The following TANGO6 variants were observed in gnomAD, a reference collection of about 807,000 sequenced individuals.
TANGO6 encodes the protein transport and golgi organization 6 homolog, also known as transport and Golgi organization protein 6 homolog.
TANGO6 carries 90 observed loss-of-function variants against 114.2 expected under a neutral mutation model. The observed-to-expected ratio is 0.79, with a 90% confidence interval of 0.66 to 0.94. The LOEUF is 0.94. TANGO6 is among the 40% of genes least tolerant of loss of function. TANGO6 has a pLI of 0.00. For missense variants in TANGO6, 1,274 were observed against 1,315.3 expected (o/e 0.97, Z 0.49); for synonymous variants, 477 against 509.8 (o/e 0.94, Z 0.87).
intron 16 of TANGO6, among the ~76,000 whole-genome samples, chr16:69,037,806 T>C (rs956940663): frequency 6.6e-6 from 1 of 152,234 alleles, no homozygotes; most frequent in African/African-American, 2.4e-5. Flanking sequence ...CATGTTTGTC[T>C]GATAGATGCA....
Position 68,927,621 on chromosome 16 carries a change from G to A in TANGO6, c.2181G>A (p.Lys727=). The A allele has an allele frequency of 1.2e-6, 2 of 1,613,924 alleles. No individual in the cohort carries two copies. Among genetic ancestry groups the A allele is most frequent in the Non-Finnish European group, 8.5e-7 (1 of 1,179,854 alleles). The change falls in exon 13 of 18, where the codon AAG becomes AAA. Residue 727 remains lysine (K), a synonymous_variant. Transcript: ENST00000261778. ...AGCAGTTGTTGCCTCTGTTGGAGAAGGTATCCAACACATACCCTGATCCGG... is the reference window on the plus strand; with the variant it reads ...AGCAGTTGTTGCCTCTGTTGGAGAAAGTATCCAACACATACCCTGATCCGG... ...VLKQLLPLLE[K]VSNTYPDPVI...
chr16:68,874,675 G>A lies in TANGO6; in HGVS notation c.995-479G>A, dbSNP rs375266236. On this transcript the variant is annotated intron_variant, in intron 4 of 17. Transcript: ENST00000261778. Reference sequence around the variant, plus strand: ...ATCAAAAGGAACGTATAGGCCAGGCGCGGTGGCTCATGCCTGTAATCACAG... The same window carrying A: ...ATCAAAAGGAACGTATAGGCCAGGCACGGTGGCTCATGCCTGTAATCACAG... Among the ~76,000 whole-genome samples the A allele has an allele frequency of 4.2e-4, 64 of 152,250 alleles. No homozygotes were observed. The South Asian group carries it at 0.012, about 28-fold the overall frequency.
intron 17 of TANGO6, among the ~76,000 whole-genome samples, chr16:69,046,321 A>ATTTT (rs573859095): frequency 1.4e-5 from 2 of 140,932 alleles, no homozygotes; most frequent in African/African-American, 2.6e-5. Flanking sequence ...TCAGAAAAGG[A>ATTTT]TTTTTTTTTT....
intron 17 of TANGO6, among the ~76,000 whole-genome samples, chr16:69,057,434 G>A (rs1250390778): frequency 6.6e-6 from 1 of 151,986 alleles, no homozygotes; most frequent in East Asian, 1.9e-4. Context: ...AGCTTCCTAA[G>A]CCAAATAGGC....
At chr16:68,907,338 T>C in intron 9 of TANGO6, 105 bp from the exon 10 acceptor site, 2 of 1,223,286 alleles carry the variant, frequency 1.6e-6, no homozygotes, top group East Asian at 5.3e-5. Context: ...TTTTTAATGG[T>C]TAACTGTTTG....
At chr16:68,930,532 A>G (rs1057135418) in intron 14 of TANGO6, among the ~76,000 whole-genome samples, 1 of 152,128 alleles carries the variant, frequency 6.6e-6, no homozygotes, top group Non-Finnish European at 1.5e-5. Context: ...TAATGTTTAC[A>G]TATTCTGTAG....
chr16:69,039,172 G>A (rs1026230422), intron 16 of TANGO6, among the ~76,000 whole-genome samples: 2 of 151,706 alleles, frequency 1.3e-5, no homozygotes, highest in African/African-American at 4.8e-5. Context: ...GCGACAGAGT[G>A]AGACTCCATC....
At chr16:69,062,026 GA>G (rs943193047) in intron 17 of TANGO6, among the ~76,000 whole-genome samples, 8 of 149,926 alleles carry the variant, frequency 5.3e-5, no homozygotes, top group African/African-American at 1.5e-4. Flanking sequence ...TCTCAAAAAA[GA>G]AAAAAAAAGA....
chr16:69,081,790 A>T (rs1960468655), intron 17 of TANGO6, among the ~76,000 whole-genome samples: 1 of 151,388 alleles, frequency 6.6e-6, no homozygotes, highest in African/African-American at 2.4e-5. Flanking sequence ...AGACCATAAA[A>T]TCGGAGCATT....
intron 13 of TANGO6, among the ~76,000 whole-genome samples, chr16:68,929,659 C>T (rs1414807208): frequency 1.3e-5 from 2 of 152,190 alleles, no homozygotes; most frequent in Non-Finnish European, 2.9e-5. Context: ...GCTGTACTCA[C>T]TGTAGTTGAT....
intron 1 of TANGO6, among the ~76,000 whole-genome samples, chr16:68,858,848 T>G (rs764710672): frequency 2.0e-5 from 3 of 152,226 alleles, no homozygotes; most frequent in Non-Finnish European, 4.4e-5. Flanking sequence ...TTTAGTTATA[T>G]CCAACAAATA....
chr16:68,944,699 G>A (rs753674635), intron 14 of TANGO6, among the ~76,000 whole-genome samples: 2 of 152,162 alleles, frequency 1.3e-5, no homozygotes, highest in African/African-American at 2.4e-5. Context: ...TCCAAGGGCC[G>A]ATGATTTTTC....
At position 68,927,800 on chromosome 16, in the gene TANGO6, C is replaced by A. The variant is rs764390089; in HGVS notation, c.2360C>A (p.Pro787His). ...CAGCAACAAACCAGTCATGAAAGAC[C>A]CACTGATGTAGCTCATAGCCACCTT... ...EEQQQTSHER[P>H]TDVAHSHLEQ... Residue 787 changes from proline to histidine, a missense_variant, in exon 13 of 18, where the codon CCC (proline) becomes CAC (histidine). Transcript: ENST00000261778. The A allele has an allele frequency of 1.1e-5, 17 of 1,613,924 alleles. No homozygotes were observed. Among genetic ancestry groups the A allele is most frequent in the Non-Finnish European group, 1.4e-5 (17 of 1,179,886 alleles).
chr16:69,059,825 T>C (rs183924274), intron 17 of TANGO6, among the ~76,000 whole-genome samples: 47 of 152,336 alleles, frequency 3.1e-4, no homozygotes, highest in Non-Finnish European at 8.8e-5. Context: ...CTTCCTGAGA[T>C]GCAAATCTGC....
intron 9 of TANGO6, among the ~76,000 whole-genome samples, chr16:68,906,952 C>T (rs1186095794): frequency 6.6e-6 from 1 of 152,056 alleles, no homozygotes; most frequent in African/African-American, 2.4e-5. Context: ...AGCCACTACG[C>T]CCAGCTAATT....
intron 14 of TANGO6, among the ~76,000 whole-genome samples, chr16:68,964,548 T>C (rs992779706): frequency 4.0e-5 from 6 of 151,636 alleles, no homozygotes; most frequent in African/African-American, 1.5e-4. Context: ...ATGACAGTTA[T>C]TTAAAAACAT....
At chr16:68,930,126 C>A in intron 13 of TANGO6, 112 bp from the exon 14 acceptor site, 1 of 878,052 alleles carries the variant, frequency 1.1e-6, no homozygotes, top group Non-Finnish European at 1.8e-6. Flanking sequence ...CAGTTTCTAC[C>A]CAAGAAAAAC....
chr16:69,009,073 T>TC, intron 15 of TANGO6, among the ~76,000 whole-genome samples: 1 of 89,340 alleles, frequency 1.1e-5, no homozygotes, highest in African/African-American at 4.3e-5. Context: ...AGTTTATTTC[T>TC]TTTTTTTTTT....
Position 68,919,150 on chromosome 16 carries a change from C to G in TANGO6, c.2058C>G (p.Ser686Arg), listed in dbSNP as rs370807451. ...ACASLAHQAE[S>R]TVESQTLSMS... The stretch of plus-strand genomic sequence containing the variant: ...CAAGCCTGGCCCATCAGGCAGAGAG[C>G]ACCGTGGAATCACAGACGCTGAGCA... Residue 686 changes from serine (S) to arginine (R), a missense_variant, in exon 12 of 18, where the codon AGC (serine) becomes AGG (arginine). Ser to Arg is a moderately radical substitution (Grantham distance 110). Coordinates refer to ENST00000261778, the MANE Select transcript of TANGO6 (RefSeq NM_024562.2). 5 of 1,612,670 alleles carry G rather than the reference C, an allele frequency of 3.1e-6. No homozygotes were observed. The highest frequency in any genetic ancestry group is 4.2e-6 in the Non-Finnish European group (5 of 1,179,504).
Sources: allele counts gnomAD v4.1 joint callset (sites outside exome capture counted in the v4.1 genomes callset), GRCh38; gene constraint gnomAD v4.1.1; transcripts MANE v1.5; gene names NCBI Gene and HGNC (gene_info 2026-07-23, HGNC 2026-07-21).